The following SGCZ variants were observed in gnomAD, a reference collection of about 807,000 sequenced individuals.
The protein encoded by SGCZ is zeta-sarcoglycan.
SGCZ carries 40 observed loss-of-function variants against 41.3 expected under a neutral mutation model. The observed-to-expected ratio is 0.97, with a 90% CI of 0.75 to 1.26. The LOEUF (loss-of-function observed/expected upper bound fraction) is 1.26. Ranked by LOEUF, SGCZ falls within the 50% of genes most tolerant of loss-of-function variation. The pLI is 0.00. For synonymous variants in SGCZ, 206 were observed against 137.5 expected (o/e 1.50, Z -3.49); for missense variants, 552 against 369.8 (o/e 1.49, Z -4.04).
intron 2 of SGCZ, among the ~76,000 whole-genome samples, chr8:14,347,166 T>A (rs1037356505): frequency 1.3e-5 from 2 of 152,060 alleles, no homozygotes; most frequent in African/African-American, 4.8e-5. Context: ...GAAAAACTAC[T>A]CATTTTTCTT....
At chr8:14,430,539 C>A (rs1453135431) in intron 2 of SGCZ, among the ~76,000 whole-genome samples, 1 of 152,006 alleles carries the variant, frequency 6.6e-6, no homozygotes, top group African/African-American at 2.4e-5. Context: ...TACAAGTGAC[C>A]TATTTCAATG....
intron 1 of SGCZ, among the ~76,000 whole-genome samples, chr8:15,017,361 G>A (rs1176865594): frequency 6.6e-6 from 1 of 152,152 alleles, no homozygotes; most frequent in Non-Finnish European, 1.5e-5. Context: ...CACTGCACAC[G>A]TACAGTGAGG....
At chr8:14,437,805 T>C (rs1800136168) in intron 2 of SGCZ, among the ~76,000 whole-genome samples, 1 of 151,832 alleles carries the variant, frequency 6.6e-6, no homozygotes, top group Non-Finnish European at 1.5e-5. Flanking sequence ...GCATTCAACA[T>C]TTCATGCATT....
intron 2 of SGCZ, among the ~76,000 whole-genome samples, chr8:14,440,701 A>G (rs1356655557): frequency 4.2e-5 from 2 of 47,682 alleles, no homozygotes; most frequent in South Asian, 7.8e-4. Context: ...GTATATGTAT[A>G]TATGTATATA....
chr8:14,541,555 T>A (rs1040284065), intron 2 of SGCZ, among the ~76,000 whole-genome samples: 1 of 152,142 alleles, frequency 6.6e-6, no homozygotes, highest in Non-Finnish European at 1.5e-5. Flanking sequence ...GATGGGTATT[T>A]GGGTTGGTTC....
intron 1 of SGCZ, among the ~76,000 whole-genome samples, chr8:14,888,405 T>G (rs1175776782): frequency 2.0e-5 from 3 of 152,138 alleles, no homozygotes; most frequent in Admixed American, 6.5e-5. Context: ...CCTCTTGCAC[T>G]TGAACCGTGA....
At chr8:14,541,296 C>G (rs1053644444) in intron 2 of SGCZ, among the ~76,000 whole-genome samples, 1 of 151,904 alleles carries the variant, frequency 6.6e-6, no homozygotes, top group Non-Finnish European at 1.5e-5. Flanking sequence ...TGCTCTCCCT[C>G]CCCTTTACCC....
chr8:14,290,746 GTAAATT>G (rs1483641349), intron 3 of SGCZ, among the ~76,000 whole-genome samples: 2 of 120,802 alleles, frequency 1.7e-5, no homozygotes, highest in African/African-American at 5.9e-5. Flanking sequence ...GAATGTAAAT[GTAAATT>G]AGTACAATTC....
chr8:15,117,899 A>G (rs1807331633), intron 1 of SGCZ, among the ~76,000 whole-genome samples: 1 of 152,250 alleles, frequency 6.6e-6, no homozygotes, highest in African/African-American at 2.4e-5. Flanking sequence ...CTTATGCCTT[A>G]GGTATTAATT....
chr8:14,657,924 T>G (rs1403177753), intron 1 of SGCZ, among the ~76,000 whole-genome samples: 1 of 152,176 alleles, frequency 6.6e-6, no homozygotes, highest in Non-Finnish European at 1.5e-5. Context: ...GTAGAATTAT[T>G]TACTCCTTAC....
intron 2 of SGCZ, among the ~76,000 whole-genome samples, chr8:14,369,987 G>A (rs892714784): frequency 8.6e-5 from 13 of 151,848 alleles, no homozygotes; most frequent in Non-Finnish European, 1.2e-4. Context: ...TCTGATGATG[G>A]AAATATCCCA....
chr8:14,638,693 CT>C (rs1453171709), intron 1 of SGCZ, among the ~76,000 whole-genome samples: 1 of 151,776 alleles, frequency 6.6e-6, no homozygotes, highest in Non-Finnish European at 1.5e-5. Context: ...GTTTTCTCCC[CT>C]GACAGATATC....
intron 2 of SGCZ, among the ~76,000 whole-genome samples, chr8:14,512,998 G>A (rs954998705): frequency 2.0e-5 from 3 of 152,122 alleles, no homozygotes; most frequent in African/African-American, 7.2e-5. Flanking sequence ...AGGGATATAT[G>A]CGGGAAAGCT....
At chr8:15,016,184 T>C (rs1033915091) in intron 1 of SGCZ, among the ~76,000 whole-genome samples, 1 of 152,170 alleles carries the variant, frequency 6.6e-6, no homozygotes, top group Non-Finnish European at 1.5e-5. Context: ...TGGAAGCGCC[T>C]TACATGGACT....
At chr8:14,705,055 G>A (rs959098809) in intron 1 of SGCZ, among the ~76,000 whole-genome samples, 4 of 151,742 alleles carry the variant, frequency 2.6e-5, no homozygotes, top group South Asian at 2.1e-4. Flanking sequence ...TGTTAATTTC[G>A]AAGCTGATCT....
At chr8:14,579,689 A>T (rs565888212) in intron 1 of SGCZ, among the ~76,000 whole-genome samples, 3 of 152,308 alleles carry the variant, frequency 2.0e-5, no homozygotes, top group African/African-American at 4.8e-5. Flanking sequence ...TTGGGCAGTT[A>T]GATTAATTAG....
intron 1 of SGCZ, among the ~76,000 whole-genome samples, chr8:14,769,810 A>C (rs1315271008): frequency 6.7e-6 from 1 of 149,810 alleles, no homozygotes; most frequent in Admixed American, 6.7e-5. Context: ...AAAAAAAAAA[A>C]AAAAACCCAG....
At chr8:14,092,093 GTT>G (rs1196902370) in intron 7 of SGCZ, among the ~76,000 whole-genome samples, 4 of 152,066 alleles carry the variant, frequency 2.6e-5, no homozygotes, top group Non-Finnish European at 5.9e-5. Context: ...CCCATTGCTT[GTT>G]TTTGTCAAGT....
intron 1 of SGCZ, among the ~76,000 whole-genome samples, chr8:15,199,406 AT>A (rs1253868627): frequency 1.3e-5 from 2 of 152,178 alleles, no homozygotes; most frequent in Non-Finnish European, 2.9e-5. Context: ...CTAATGTTTA[AT>A]TTTTTAATGT....
Sources: allele counts gnomAD v4.1 joint callset (sites outside exome capture counted in the v4.1 genomes callset), GRCh38; gene constraint gnomAD v4.1.1; transcripts MANE v1.5; gene names NCBI Gene and HGNC (gene_info 2026-07-23, HGNC 2026-07-21).